The following SPATA9 variants were observed in gnomAD, a reference collection of about 807,000 sequenced individuals.
SPATA9 encodes spermatogenesis associated 9, also known as spermatogenesis-associated protein 9.
Under a neutral mutation model 25.5 loss-of-function variants are expected in SPATA9, and 27 were observed. The observed-to-expected ratio is 1.06, with a 90% CI of 0.78 to 1.46. The LOEUF (loss-of-function observed/expected upper bound fraction) is 1.46. Ranked by LOEUF, SPATA9 falls within the 40% of genes most tolerant of loss-of-function variation. SPATA9 has a pLI of 0.00. For synonymous variants in SPATA9, 102 were observed against 105.7 expected, an observed-to-expected ratio of 0.97 and a Z score of 0.21; for missense variants, 282 against 297.5, an observed-to-expected ratio of 0.95 and a Z score of 0.38.
chr5:95,708,179 T>C, the SPATA9 span, among the ~76,000 whole-genome samples: 1 of 152,174 alleles, frequency 6.6e-6, no homozygotes, highest in African/African-American at 2.4e-5. Context: ...CTCGAACTTT[T>C]GGAGTGTATC....
chr5:95,653,110 C>T (rs978890547), exon 9 of SPATA9: 1 of 1,551,416 alleles, frequency 6.4e-7, no homozygotes, highest in African/African-American at 1.4e-5. Flanking sequence ...ATTTGCTCTT[C>T]TTTCAGTATG....
At chr5:95,719,330 C>G in the SPATA9 span, among the ~76,000 whole-genome samples, 1 of 152,176 alleles carries the variant, frequency 6.6e-6, no homozygotes, top group East Asian at 1.9e-4. Flanking sequence ...GACTCTCCCT[C>G]TCTACCCAGA....
downstream of SPATA9, chr5:95,656,303 T>C: frequency 6.2e-7 from 1 of 1,601,436 alleles, no homozygotes. Flanking sequence ...TTAAGAGTTC[T>C]TCCTGATAAA....
intron 2 of SPATA9, among the ~76,000 whole-genome samples, chr5:95,680,909 C>T (rs1753396288): frequency 2.0e-5 from 3 of 152,268 alleles, no homozygotes; most frequent in Non-Finnish European, 1.5e-5. Flanking sequence ...GATCACTATT[C>T]TTCTAGCCAC....
the SPATA9 span, among the ~76,000 whole-genome samples, chr5:95,713,151 A>C: frequency 6.6e-6 from 1 of 152,160 alleles, no homozygotes; most frequent in Non-Finnish European, 1.5e-5. Flanking sequence ...AAAAACAAAA[A>C]CCCATGTCCC....
At chr5:95,674,744 ATCT>A (rs1411439856) in intron 3 of SPATA9, 2 of 456,634 alleles carry the variant, frequency 4.4e-6, no homozygotes, top group South Asian at 1.5e-5. Flanking sequence ...GAGCTAATAC[ATCT>A]TCTTTTTTGG....
At chr5:95,657,892 A>G (rs777092688), downstream of SPATA9, 7 of 152,072 alleles carry the variant, frequency 4.6e-5, no homozygotes, top group Admixed American at 1.3e-4. Flanking sequence ...ACACATGTCC[A>G]GAATATAAAG....
intron 4 of SPATA9, among the ~76,000 whole-genome samples, chr5:95,662,529 A>G (rs1339431008): frequency 1.3e-5 from 2 of 152,170 alleles, no homozygotes; most frequent in Non-Finnish European, 2.9e-5. Flanking sequence ...CCTCCTGAGT[A>G]GCAGGGATTA....
At chr5:95,684,369 C>A (rs1753675466), upstream of SPATA9, among the ~76,000 whole-genome samples, 2 of 152,132 alleles carry the variant, frequency 1.3e-5, no homozygotes, top group South Asian at 4.2e-4. Context: ...CATTCTCCTC[C>A]CTTCCACCAT....
intron 1 of SPATA9, among the ~76,000 whole-genome samples, chr5:95,690,995 A>G (rs1314938136): frequency 2.6e-5 from 4 of 151,868 alleles, no homozygotes; most frequent in Non-Finnish European, 5.9e-5. Context: ...AGTCTCTCTA[A>G]TTTTCTTCTG....
Position 95,682,591 on chromosome 5 carries a change from C to T in SPATA9, c.87G>A (p.Met29Ile). Reference protein sequence around the residue: ...GRIEGIQKAIMDLVDEFKDEF... With the variant: ...GRIEGIQKAIIDLVDEFKDEF... The stretch of plus-strand genomic sequence containing the variant: ...CATCTTTAAACTCATCTACAAGGTC[C>T]ATGATTGCTTTCTGGATCCCCTCGA... Residue 29 changes from methionine (M) to isoleucine (I), a missense_variant, in exon 2 of 5, where the codon ATG becomes ATA. Coordinates refer to ENST00000274432, the MANE Select transcript of SPATA9 (RefSeq NM_031952.4). The T allele has an allele frequency of 1.2e-6, 2 of 1,613,664 alleles. No homozygotes were observed. The highest frequency in any genetic ancestry group is 1.7e-5 in the Admixed American group (1 of 59,952).
chr5:95,731,003 G>A, the SPATA9 span: 4 of 668,786 alleles, frequency 6.0e-6, no homozygotes, highest in Non-Finnish European at 9.2e-6. Flanking sequence ...AGTCCGGAGT[G>A]AGCGGGGGCC....
At chr5:95,658,084 A>G (rs115446935), downstream of SPATA9, 6,723 of 152,310 alleles carry the variant, frequency 0.044, 198 homozygotes, top group Middle Eastern at 0.082. Flanking sequence ...CTGTCTTCAT[A>G]TACAGAAATC....
At chr5:95,692,987 C>T (rs1274472378) in intron 1 of SPATA9, among the ~76,000 whole-genome samples, 1 of 152,072 alleles carries the variant, frequency 6.6e-6, no homozygotes, top group African/African-American at 2.4e-5. Context: ...CTAATTTTTG[C>T]CTGTTAAATA....
At chr5:95,654,236 C>A, downstream of SPATA9, 1 of 1,610,964 alleles carries the variant, frequency 6.2e-7, no homozygotes, top group Non-Finnish European at 8.5e-7. Flanking sequence ...TCGCTGTTAC[C>A]GTAAGATTTT....
chr5:95,725,489 C>T, the SPATA9 span, among the ~76,000 whole-genome samples: 1 of 152,240 alleles, frequency 6.6e-6, no homozygotes, highest in Non-Finnish European at 1.5e-5. Flanking sequence ...TGTGCACACA[C>T]ACAAGCGCAC....
intron 3 of SPATA9, among the ~76,000 whole-genome samples, chr5:95,669,475 G>A (rs985523858): frequency 3.3e-5 from 5 of 152,122 alleles, no homozygotes; most frequent in African/African-American, 4.8e-5. Flanking sequence ...AAAAGAACAC[G>A]AGTTCACTGG....
the SPATA9 span, among the ~76,000 whole-genome samples, chr5:95,707,732 CT>C: frequency 6.6e-6 from 1 of 152,038 alleles, no homozygotes; most frequent in African/African-American, 2.4e-5. Context: ...AAGTTAAGTC[CT>C]TGAGGAGGGA....
downstream of SPATA9, chr5:95,652,914 C>A: frequency 1.6e-6 from 1 of 643,702 alleles, no homozygotes; most frequent in Non-Finnish European, 2.5e-6. Flanking sequence ...CGGGAGCATT[C>A]TTTCAAAAAG....
Sources: allele counts gnomAD v4.1 joint callset (sites outside exome capture counted in the v4.1 genomes callset), GRCh38; gene constraint gnomAD v4.1.1; transcripts MANE v1.5; gene names NCBI Gene and HGNC (gene_info 2026-07-23, HGNC 2026-07-21).